MLLT1: variants seen among roughly 807,000 people sequenced by gnomAD.
The protein encoded by MLLT1 is protein ENL.
A neutral mutation model predicts 55.1 loss-of-function variants in MLLT1; 11 were observed. The ratio of observed to expected loss-of-function variants is 0.20; its 90% CI spans 0.13 to 0.33. The LOEUF is 0.33. MLLT1 is among the 10% of genes least tolerant of loss of function. MLLT1 has a pLI of 1.00. For synonymous variants in MLLT1, 323 were observed against 320.1 expected (o/e 1.01, Z -0.10); for missense variants, 536 against 760.6 (o/e 0.70, Z 3.47).
At chr19:6,253,080 G>A (rs1355499024) in intron 3 of MLLT1, among the ~76,000 whole-genome samples, 3 of 151,562 alleles carry the variant, frequency 2.0e-5, no homozygotes, top group East Asian at 1.9e-4. Context: ...TGGCTAACAT[G>A]GTGAAACCCT....
intron 8 of MLLT1, 35 bp downstream of exon 8, chr19:6,216,370 C>A (rs2090843496): frequency 2.0e-6 from 3 of 1,513,174 alleles, no homozygotes; most frequent in African/African-American, 2.7e-5. Flanking sequence ...CCCCGGGTGG[C>A]CGCCTCCGCC....
Position 6,239,391 on chromosome 19 carries a change from G to A in MLLT1, c.277-8678C>T, listed in dbSNP as rs111966877. Among the ~76,000 whole-genome samples the A allele has an allele frequency of 2.4e-3, 373 of 152,284 alleles. 2 individuals are homozygous for A. The highest frequency in any genetic ancestry group is 8.7e-3 in the African/African-American group (360 of 41,548). On this transcript the variant is annotated intron_variant, in intron 3 of 11. Transcript: ENST00000252674. ...AGAGGGAGACCCGGAGATGCCAAAT[G>A]TCCCCCCTAGTCAGATAAATGACAG...
At chr19:6,223,198 C>G (rs1029155129) in intron 5 of MLLT1, among the ~76,000 whole-genome samples, 1 of 152,158 alleles carries the variant, frequency 6.6e-6, no homozygotes, top group Admixed American at 6.5e-5. Flanking sequence ...GCCCCGTCGG[C>G]CCCTCTCCCC....
At chr19:6,275,914 G>C (rs1484910936) in intron 1 of MLLT1, among the ~76,000 whole-genome samples, 2 of 152,352 alleles carry the variant, frequency 1.3e-5, no homozygotes, top group East Asian at 3.9e-4. Flanking sequence ...CAGACGTGTA[G>C]ACAGTGTACC....
intron 3 of MLLT1, among the ~76,000 whole-genome samples, chr19:6,253,958 T>C (rs549198429): frequency 6.6e-6 from 1 of 152,320 alleles, no homozygotes; most frequent in African/African-American, 2.4e-5. Flanking sequence ...AGTCCTGGGT[T>C]CCTGACACAA....
chr19:6,211,923 G>C lies in MLLT1; in HGVS notation c.*1119C>G, dbSNP rs544329441. 9.3e-4 allele frequency: 987 copies of C among 1,065,178 alleles called. 2 individuals carry two copies. The highest frequency in any genetic ancestry group is 2.1e-3 in the South Asian group (47 of 21,984). The allele number at this position is 1,065,178 out of a possible 1,614,324, so 66.0% of individuals were successfully genotyped here. A position where few individuals can be genotyped will look rare whatever the true frequency, so the allele number is the denominator to read the frequency against. On this transcript the variant is annotated 3_prime_UTR_variant, in exon 12 of 12. Transcript: ENST00000252674. The surrounding 1 kb of genome is among the most constrained non-coding windows in gnomAD (Gnocchi z 4.6). Reference sequence around the variant, plus strand: ...CGGGGCGGGCCAGGCCGCGACCAGAGAGAAAGGCAGCCTGGGAGGGCCAGC... The same window carrying C: ...CGGGGCGGGCCAGGCCGCGACCAGACAGAAAGGCAGCCTGGGAGGGCCAGC...
rs74819842 is a variant in MLLT1, at chr19:6,211,042, C to T, written c.*2000G>A. On this transcript the variant is annotated 3_prime_UTR_variant, in exon 12 of 12. Coordinates refer to ENST00000252674, the MANE Select transcript of MLLT1 (RefSeq NM_005934.4). The surrounding 1 kb of genome is among the most constrained non-coding windows in gnomAD (Gnocchi z 4.6). ...TGGCTGAGTGGAAGGCTGCTCGAGT[C>T]GCTGTGTGGATTTTGGGGGACTCCT... The T allele has an allele frequency of 9.6e-3, 2,219 of 231,576 alleles. 45 individuals are homozygous for T. Among genetic ancestry groups the T allele is most frequent in the African/African-American group, 0.045 (2,038 of 45,152 alleles). The allele number at this position is 231,576 out of a possible 1,614,324, so 14.3% of individuals were successfully genotyped here.
At chr19:6,257,800 C>G (rs919742532) in intron 3 of MLLT1, among the ~76,000 whole-genome samples, 2 of 151,658 alleles carry the variant, frequency 1.3e-5, no homozygotes, top group African/African-American at 4.9e-5. Context: ...GACTCCATCT[C>G]GGAAAAAAAC....
chr19:6,260,042 C>G (rs1181106603), intron 3 of MLLT1, among the ~76,000 whole-genome samples: 1 of 152,196 alleles, frequency 6.6e-6, no homozygotes, highest in Non-Finnish European at 1.5e-5. Context: ...CGCTTGGGGC[C>G]TTCCAGAGGA....
chr19:6,218,070 G>T, intron 6 of MLLT1, 29 bp from the exon 7 acceptor site: 1 of 1,581,990 alleles, frequency 6.3e-7, no homozygotes. Context: ...TGGGCAGGGA[G>T]GGGAGAAAGG....
In MLLT1 at chr19:6,212,048, T is replaced by C; in HGVS notation, c.*994A>G. 9.4e-7 allele frequency: 1 copy of C among 1,066,028 alleles called. No individual in the cohort carries two copies. Among genetic ancestry groups the C allele is most frequent in the South Asian group, 4.5e-5 (1 of 21,984 alleles). The allele number at this position is 1,066,028 out of a possible 1,614,324, so 66.0% of individuals were successfully genotyped here. On this transcript the variant is annotated 3_prime_UTR_variant, in exon 12 of 12. Coordinates refer to ENST00000252674, the MANE Select transcript of MLLT1 (RefSeq NM_005934.4). The stretch of plus-strand genomic sequence containing the variant: ...AAACTCCATAAACTATCCCGTCTTA[T>C]TTGGCAAAAGCTCATATTTTTTTCA...
chr19:6,248,441 C>A (rs1002497333), intron 3 of MLLT1, among the ~76,000 whole-genome samples: 1 of 152,200 alleles, frequency 6.6e-6, no homozygotes, highest in African/African-American at 2.4e-5. Context: ...CTGGCAGATG[C>A]CACTTAACCA....
intron 3 of MLLT1, among the ~76,000 whole-genome samples, chr19:6,233,638 C>A (rs1242800703): frequency 6.6e-6 from 1 of 152,178 alleles, no homozygotes; most frequent in African/African-American, 2.4e-5. Context: ...TGCCAAAACG[C>A]GAGAGGTGGT....
intron 3 of MLLT1, among the ~76,000 whole-genome samples, chr19:6,239,168 G>A (rs1022426637): frequency 6.6e-5 from 10 of 152,298 alleles, no homozygotes; most frequent in South Asian, 4.1e-4. Context: ...CTAGGCTCTC[G>A]CGTTCACCGG....
rs2091257298 is a variant in MLLT1, at chr19:6,256,425, C to T, written c.276+5803G>A. Among the ~76,000 whole-genome samples, 1 of 151,802 alleles carries T rather than the reference C, an allele frequency of 6.6e-6. No individual in the cohort carries two copies. Among genetic ancestry groups the T allele is most frequent in the Admixed American group, 6.6e-5 (1 of 15,236 alleles). On this transcript the variant is annotated intron_variant, in intron 3 of 11. Transcript: ENST00000252674. The surrounding 1 kb of genome is among the most constrained non-coding windows in gnomAD (Gnocchi z 4.1). ...AGTGAGCCATGATTGCACCACTGCACTCCAGCCTGGGTGATAGAGCAAGAC... is the reference window on the plus strand; with the variant it reads ...AGTGAGCCATGATTGCACCACTGCATTCCAGCCTGGGTGATAGAGCAAGAC...
At chr19:6,267,363 C>G (rs865952908) in intron 2 of MLLT1, among the ~76,000 whole-genome samples, 2 of 150,548 alleles carry the variant, frequency 1.3e-5, no homozygotes, top group Non-Finnish European at 2.9e-5. Flanking sequence ...CTCGGCCTCC[C>G]AAAGTGCTGG....
intron 7 of MLLT1, chr19:6,216,844 A>C (rs1360195235): frequency 3.4e-6 from 1 of 291,838 alleles, no homozygotes; most frequent in Non-Finnish European, 6.5e-6. Context: ...GGGCACAGAG[A>C]TCAGAAGCTC....
intron 3 of MLLT1, among the ~76,000 whole-genome samples, chr19:6,247,917 G>A (rs1316327667): frequency 2.0e-5 from 3 of 151,988 alleles, no homozygotes; most frequent in Non-Finnish European, 2.9e-5. Context: ...GTGAGACAGA[G>A]TCTCACTCTG....
At chr19:6,277,660 C>G (rs2091434460) in intron 1 of MLLT1, among the ~76,000 whole-genome samples, 1 of 152,084 alleles carries the variant, frequency 6.6e-6, no homozygotes, top group South Asian at 2.1e-4. Flanking sequence ...TGACAGCCAC[C>G]CAGACCTCCA....
Sources: gnomAD v4.1 joint callset for allele counts (sites outside exome capture counted in the v4.1 genomes callset) on GRCh38, gnomAD v4.1.1 for gene constraint, Gnocchi (gnomAD v3.1) non-coding constraint, MANE v1.5 for transcripts, NCBI Gene and HGNC (gene_info 2026-07-23, HGNC 2026-07-21) for gene names.